ASPA: variants seen among roughly 807,000 people sequenced by gnomAD.
ASPA encodes ACY-2.
Under a neutral mutation model 29.6 loss-of-function variants are expected in ASPA, and 25 were observed. That is an observed-to-expected ratio of 0.85 (90% CI 0.62 to 1.18). The LOEUF is 1.18. Among genes scored for constraint, ASPA ranks in the 50% most tolerant of loss-of-function variants. The pLI is 0.00. For synonymous variants in ASPA, 131 were observed against 130.3 expected, an observed-to-expected ratio of 1.01 and a Z score of -0.04; for missense variants, 333 against 385.7, an observed-to-expected ratio of 0.86 and a Z score of 1.14.
At chr17:3,486,068 G>A (rs886890226) in intron 3 of ASPA, among the ~76,000 whole-genome samples, 4 of 152,036 alleles carry the variant, frequency 2.6e-5, no homozygotes, top group East Asian at 1.9e-4. Flanking sequence ...GAGTAGCTGG[G>A]ATTACAGGTG....
chr17:3,476,351 T>C lies in ASPA; in HGVS notation c.192T>C (p.Tyr64=). The C allele has an allele frequency of 6.2e-7, 1 of 1,614,142 alleles. No individual in the cohort carries two copies. ...NPRAVKKCTR[Y]IDCDLNRIFD... is the part of the protein sequence containing the mutation. ...GAGCAGTGAAGAAGTGTACCAGATA[T>C]ATTGACTGTGACCTGAATCGCATTT... is the stretch of plus-strand genomic sequence containing the variant. Residue 64 remains tyrosine, a synonymous_variant, in exon 1 of 6, where the codon TAT becomes TAC. Coordinates refer to ENST00000263080, the MANE Select transcript of ASPA (RefSeq NM_000049.4).
chr17:3,489,836 C>T (rs1311055318), intron 4 of ASPA, among the ~76,000 whole-genome samples: 1 of 152,200 alleles, frequency 6.6e-6, no homozygotes, highest in Non-Finnish European at 1.5e-5. Context: ...ACACACCAAT[C>T]TTATTACCCA....
chr17:3,480,483 C>T (rs1004756330), intron 1 of ASPA, among the ~76,000 whole-genome samples: 4 of 152,140 alleles, frequency 2.6e-5, no homozygotes, highest in African/African-American at 9.7e-5. Context: ...GTGGGGACCA[C>T]GAGACCAGAT....
In ASPA at chr17:3,476,241, G is replaced by T; in HGVS notation, c.82G>T (p.Val28Leu). 2 of 1,614,180 alleles carry T rather than the reference G, an allele frequency of 1.2e-6. No individual in the cohort carries two copies. ...AACCCATGGGAATGAGCTAACCGGA[G>T]TATTTCTGGTTAAGCATTGGCTAGA... ...GGTHGNELTG[V>L]FLVKHWLENG... Residue 28 changes from valine (V) to leucine (L), a missense_variant, in exon 1 of 6, where the codon GTA becomes TTA. By Grantham distance (32) the Val-to-Leu change is conservative (BLOSUM62 1). Transcript: ENST00000263080.
At chr17:3,484,025 C>A (rs2073678729) in intron 3 of ASPA, among the ~76,000 whole-genome samples, 1 of 152,174 alleles carries the variant, frequency 6.6e-6, no homozygotes, top group African/African-American at 2.4e-5. Context: ...TGTCAAGTAA[C>A]AAGCAATTTA....
At position 3,494,459 on chromosome 17, in the gene ASPA, G is replaced by A. The variant is rs2073877430; in HGVS notation, c.744G>A (p.Gln248=). 2 of 1,593,406 alleles carry A rather than the reference G, an allele frequency of 1.3e-6. No homozygotes were observed. The highest frequency in any genetic ancestry group is 1.3e-5 in the African/African-American group (1 of 74,488). ...CTGCTATCATCCATCCTAATCTGCA[G>A]GTAACATTTGTTCTTTCTTTAAAAT... is the stretch of plus-strand genomic sequence containing the variant. ...EIAAIIHPNL[Q]DQDWKPLHPG... is the part of the protein sequence containing the mutation. Residue 248 remains glutamine, a splice_region_variant and synonymous_variant, in exon 5 of 6, where the codon CAG becomes CAA. Coordinates refer to ENST00000263080, the MANE Select transcript of ASPA (RefSeq NM_000049.4).
intron 3 of ASPA, among the ~76,000 whole-genome samples, chr17:3,487,062 G>GTT (rs1169126097): frequency 7.0e-6 from 1 of 142,440 alleles, no homozygotes; most frequent in African/African-American, 2.7e-5. Context: ...GTGTGTTTAT[G>GTT]TGTGTGTGTG....
intron 5 of ASPA, 92 bp downstream of exon 5, chr17:3,494,551 C>T (rs1028499795): frequency 1.3e-5 from 14 of 1,066,358 alleles, no homozygotes; most frequent in African/African-American, 1.3e-4. Flanking sequence ...CGCGTACATT[C>T]GCCCATTTGA....
intron 4 of ASPA, among the ~76,000 whole-genome samples, chr17:3,492,772 T>C (rs147155757): frequency 6.6e-6 from 1 of 152,128 alleles, no homozygotes; most frequent in Non-Finnish European, 1.5e-5. Flanking sequence ...CCATCAGACA[T>C]AACAGTAAGG....
Position 3,494,414 on chromosome 17 carries a change from G to C in ASPA, c.699G>C (p.Arg233=), listed in dbSNP as rs1347989264. 51 of 1,612,702 alleles carry C rather than the reference G, an allele frequency of 3.2e-5. No homozygotes were observed. The highest frequency in any genetic ancestry group is 1.6e-4 in the Middle Eastern group (1 of 6,062). The change falls in exon 5 of 6, where the codon CGG becomes CGC. Residue 233 remains arginine (R), a synonymous_variant. Coordinates refer to ENST00000263080, the MANE Select transcript of ASPA (RefSeq NM_000049.4). Reference sequence around the variant, plus strand: ...TTATAGAGAAAGTTGATTACCCCCGGGATGAAAATGGAGAAATTGCTGCTA... The same window carrying C: ...TTATAGAGAAAGTTGATTACCCCCGCGATGAAAATGGAGAAATTGCTGCTA... ...YKIIEKVDYP[R]DENGEIAAII...
At chr17:3,497,803 G>A (rs541774856) in intron 5 of ASPA, among the ~76,000 whole-genome samples, 64 of 152,220 alleles carry the variant, frequency 4.2e-4, no homozygotes, top group African/African-American at 1.3e-3. Flanking sequence ...TGGGTGATGC[G>A]GATGCTGCTG....
chr17:3,475,980 G>A (rs1284001081), upstream of ASPA: 2 of 622,828 alleles, frequency 3.2e-6, no homozygotes, highest in Non-Finnish European at 2.8e-6. Flanking sequence ...AGAAGGGAGT[G>A]TCCATAAACG....
At chr17:3,481,864 T>G (rs2073637357) in intron 2 of ASPA, 66 bp downstream of exon 2, 2 of 1,379,174 alleles carry the variant, frequency 1.5e-6, no homozygotes, top group South Asian at 2.5e-5. Context: ...ATTATGGATG[T>G]GAGACAATCA....
chr17:3,490,904 A>C lies in ASPA; in HGVS notation c.634+1562A>C, dbSNP rs1467624984. 6.6e-6 allele frequency among the ~76,000 whole-genome samples: 1 copy of C among 152,206 alleles called. No homozygotes were observed. Among genetic ancestry groups the C allele is most frequent in the Non-Finnish European group, 1.5e-5 (1 of 68,042 alleles). ...GCTTCAACCAGAGCTCTTCTGTGTA[A>C]CATTTCATTTAAGCAAAGGATTCGG... On this transcript the variant is annotated intron_variant, in intron 4 of 5. Transcript: ENST00000263080. The surrounding 1 kb of genome is among the most constrained non-coding windows in gnomAD (Gnocchi z 4.6).
rs559247127 is a variant in ASPA at position 3,481,940 on chromosome 17, G to C, written c.432+142G>C. ...ATTCCATAGCCAGGCTTGGTGGTTG[G>C]GGGGAAAGGGTGCTACCAGAACACA... On this transcript the variant is annotated intron_variant, in intron 2 of 5. Coordinates refer to ENST00000263080, the MANE Select transcript of ASPA (RefSeq NM_000049.4). 14 of 765,478 alleles carry C rather than the reference G, an allele frequency of 1.8e-5. No individual in the cohort carries two copies. The East Asian group carries it at 1.9e-4, about 11-fold the overall frequency. 47.4% of individuals were successfully genotyped at this position (765,478 alleles called of 1,614,324 possible).
At chr17:3,483,649 G>A in intron 3 of ASPA, 57 bp downstream of exon 3, 1 of 1,468,320 alleles carries the variant, frequency 6.8e-7, no homozygotes, top group Non-Finnish European at 9.5e-7. Flanking sequence ...CTGAAACTCA[G>A]AGAAATTTAT....
At position 3,481,610 on chromosome 17, in the gene ASPA, ATGTCAGAAGATT is replaced by A; in HGVS notation, c.247_258del (p.Ser83_Leu86del). 6.2e-7 allele frequency: 1 copy of A among 1,613,526 alleles called. No individual in the cohort carries two copies. Among genetic ancestry groups the A allele is most frequent in the Non-Finnish European group, 8.5e-7 (1 of 1,179,824 alleles). ...TCTTTCTGCTTATAACAGCAAAAAA[ATGTCAGAAGATT>A]TGCCATATGAAGTGAGAAGGGCTCA... On this transcript the variant is annotated inframe_deletion, in exon 2 of 6. Coordinates refer to ENST00000263080, the MANE Select transcript of ASPA (RefSeq NM_000049.4).
Position 3,476,030 on chromosome 17 carries a change from C to A in ASPA, c.-130C>A. ...TAACAGAAAATTAAAATATACTCCACTCAAGGGAATTCTGTACTTTGCCCT... is the reference window on the plus strand; with the variant it reads ...TAACAGAAAATTAAAATATACTCCAATCAAGGGAATTCTGTACTTTGCCCT... On this transcript the variant is annotated 5_prime_UTR_variant, in exon 1 of 6. Coordinates refer to ENST00000263080, the MANE Select transcript of ASPA (RefSeq NM_000049.4). The A allele has an allele frequency of 1.2e-6, 1 of 837,954 alleles. No homozygotes were observed. 51.9% of individuals were successfully genotyped at this position (837,954 alleles called of 1,614,324 possible).
intron 3 of ASPA, among the ~76,000 whole-genome samples, chr17:3,483,870 C>T (rs2073676099): frequency 6.6e-6 from 1 of 152,088 alleles, no homozygotes; most frequent in African/African-American, 2.4e-5. Context: ...TTAGCCAGGG[C>T]TGGCCTCAAA....
Sources: gnomAD v4.1 joint callset for allele counts (sites outside exome capture counted in the v4.1 genomes callset) on GRCh38, gnomAD v4.1.1 for gene constraint, Gnocchi (gnomAD v3.1) non-coding constraint, MANE v1.5 for transcripts, NCBI Gene and HGNC (gene_info 2026-07-23, HGNC 2026-07-21) for gene names.